RPS6KA2: variants seen among roughly 807,000 people sequenced by gnomAD.
The protein encoded by RPS6KA2 is ribosomal protein S6 kinase A2.
Under a neutral mutation model 91.8 loss-of-function variants are expected in RPS6KA2, and 42 were observed. The ratio of observed to expected loss-of-function variants is 0.46; its 90% confidence interval spans 0.36 to 0.59. The LOEUF is 0.59. Ranked by LOEUF, RPS6KA2 falls within the 20% of genes least tolerant of loss-of-function variation. The pLI, the probability that RPS6KA2 is intolerant of heterozygous loss-of-function variation, is 0.00. For missense variants in RPS6KA2, 798 were observed against 978.5 expected (o/e 0.82, Z 2.46); for synonymous variants, 414 against 393.6 (o/e 1.05, Z -0.61).
chr6:166,729,680 T>C (rs1409774293), intron 2 of RPS6KA2, among the ~76,000 whole-genome samples: 1 of 152,226 alleles, frequency 6.6e-6, no homozygotes, highest in East Asian at 1.9e-4. Flanking sequence ...AGCAATGTTT[T>C]CCTCTAACGT....
chr6:166,487,940 G>C (rs1013847437), intron 10 of RPS6KA2, among the ~76,000 whole-genome samples: 56 of 152,314 alleles, frequency 3.7e-4, no homozygotes, highest in Non-Finnish European at 6.2e-4. Flanking sequence ...AATGGAAGCT[G>C]ATGTGGGGAA....
chr6:166,615,643 C>G (rs1233323382), intron 1 of RPS6KA2, among the ~76,000 whole-genome samples: 1 of 152,176 alleles, frequency 6.6e-6, no homozygotes, highest in Non-Finnish European at 1.5e-5. Context: ...CCGCTCATAC[C>G]AGGTAGGAAA....
chr6:166,731,105 G>A (rs1295217700), intron 2 of RPS6KA2, among the ~76,000 whole-genome samples: 3 of 152,154 alleles, frequency 2.0e-5, no homozygotes, highest in Non-Finnish European at 4.4e-5. Flanking sequence ...AGCCGGGCGT[G>A]CTGGCGCATG....
chr6:166,736,329 C>T (rs1417455251), intron 2 of RPS6KA2, among the ~76,000 whole-genome samples: 1 of 152,166 alleles, frequency 6.6e-6, no homozygotes, highest in Non-Finnish European at 1.5e-5. Context: ...TCAAGAGTCC[C>T]GTGGCATCAT....
chr6:166,826,161 T>A (rs1333001493), intron 2 of RPS6KA2, among the ~76,000 whole-genome samples: 1 of 152,254 alleles, frequency 6.6e-6, no homozygotes, highest in Non-Finnish European at 1.5e-5. Context: ...AAGCATGTGA[T>A]ATATTTTTCA....
At chr6:166,535,686 G>C (rs890184986) in intron 2 of RPS6KA2, among the ~76,000 whole-genome samples, 2 of 152,338 alleles carry the variant, frequency 1.3e-5, no homozygotes, top group Non-Finnish European at 2.9e-5. Context: ...GGAACACTGG[G>C]TCTGCACCCC....
At chr6:166,860,642 C>CT (rs1781025262) in intron 1 of RPS6KA2, among the ~76,000 whole-genome samples, 1 of 152,308 alleles carries the variant, frequency 6.6e-6, no homozygotes, top group African/African-American at 2.4e-5. Context: ...GGAATCCTCC[C>CT]TCTGGACAAG....
At chr6:166,443,367 G>A (rs117593697) in intron 14 of RPS6KA2, among the ~76,000 whole-genome samples, 1 of 152,292 alleles carries the variant, frequency 6.6e-6, no homozygotes, top group East Asian at 1.9e-4. Context: ...CCTCTTGGGA[G>A]CACTCACAGC....
At chr6:166,776,341 C>T (rs971069410) in intron 2 of RPS6KA2, among the ~76,000 whole-genome samples, 9 of 152,214 alleles carry the variant, frequency 5.9e-5, no homozygotes, top group Non-Finnish European at 8.8e-5. Context: ...ATGGAGTCCC[C>T]GCACTGACTT....
At chr6:166,853,119 A>G (rs1300001570) in intron 2 of RPS6KA2, among the ~76,000 whole-genome samples, 1 of 152,182 alleles carries the variant, frequency 6.6e-6, no homozygotes, top group Non-Finnish European at 1.5e-5. Context: ...CAATAAACAT[A>G]ACCCTGAAAT....
intron 1 of RPS6KA2, among the ~76,000 whole-genome samples, chr6:166,573,500 G>A (rs1335842258): frequency 6.6e-6 from 1 of 152,230 alleles, no homozygotes; most frequent in Non-Finnish European, 1.5e-5. Flanking sequence ...AGCAAACCCA[G>A]GAATAAATTC....
intron 1 of RPS6KA2, among the ~76,000 whole-genome samples, chr6:166,577,943 A>T (rs1583295422): frequency 1.3e-5 from 2 of 152,250 alleles, no homozygotes; most frequent in Non-Finnish European, 2.9e-5. Flanking sequence ...TTTCCCACAT[A>T]CTGTTCTCAT....
At chr6:166,785,855 G>A (rs1007518591) in intron 2 of RPS6KA2, among the ~76,000 whole-genome samples, 3 of 152,142 alleles carry the variant, frequency 2.0e-5, no homozygotes, top group Non-Finnish European at 2.9e-5. Flanking sequence ...TAAAGACAAG[G>A]TATTGCCAAA....
chr6:166,838,124 A>G (rs1028912358), intron 2 of RPS6KA2, among the ~76,000 whole-genome samples: 2 of 152,250 alleles, frequency 1.3e-5, no homozygotes, highest in African/African-American at 4.8e-5. Context: ...TGAGGACCTC[A>G]GGCTTGAAAG....
chr6:166,636,121 G>T (rs550139530), intron 2 of RPS6KA2, among the ~76,000 whole-genome samples: 1 of 119,684 alleles, frequency 8.4e-6, no homozygotes, highest in African/African-American at 3.3e-5. Context: ...CGCCCATCCC[G>T]CCCTGCCCCA....
chr6:166,484,421 C>T (rs1158659369), intron 10 of RPS6KA2, among the ~76,000 whole-genome samples: 2 of 152,200 alleles, frequency 1.3e-5, no homozygotes, highest in African/African-American at 4.8e-5. Flanking sequence ...GCTTGTTCTC[C>T]TGCCTTCCTT....
At chr6:166,739,810 C>T (rs1023908305) in intron 2 of RPS6KA2, among the ~76,000 whole-genome samples, 2 of 152,178 alleles carry the variant, frequency 1.3e-5, no homozygotes, top group East Asian at 3.8e-4. Context: ...GGCTTGGCTC[C>T]GTGCAGCTTC....
At chr6:166,858,010 GAATAT>G (rs1404064525) in intron 2 of RPS6KA2, 10 of 540,786 alleles carry the variant, frequency 1.8e-5, no homozygotes, top group Non-Finnish European at 6.6e-6. Context: ...GGAGATTACC[GAATAT>G]AATAAGCACA....
chr6:166,548,436 G>C (rs2157483), intron 1 of RPS6KA2, among the ~76,000 whole-genome samples: 122,154 of 151,814 alleles, frequency 0.8, 49,399 homozygotes, highest in East Asian at 0.99. Flanking sequence ...TCTACAGATG[G>C]TAAGGTTTGC....
Sources: allele counts gnomAD v4.1 joint callset (sites outside exome capture counted in the v4.1 genomes callset), GRCh38; gene constraint gnomAD v4.1.1; transcripts MANE v1.5; gene names NCBI Gene and HGNC (gene_info 2026-07-23, HGNC 2026-07-21).